NANS: variants seen among roughly 807,000 people sequenced by gnomAD.
The protein encoded by NANS is N-acetylneuraminate synthase.
NANS carries 29 observed loss-of-function variants against 33.3 expected under a neutral mutation model. That is an observed-to-expected ratio of 0.87 (90% confidence interval 0.65 to 1.19). The LOEUF (loss-of-function observed/expected upper bound fraction) is 1.19, where lower values mean the gene tolerates loss of function less well. NANS is among the 50% of genes most tolerant of loss of function. The probability of loss-of-function intolerance (pLI) is 0.00; values close to 1 mark genes in which losing one functional copy is unlikely to be tolerated. For synonymous variants in NANS, 163 were observed against 177.2 expected (o/e 0.92, Z 0.64); for missense variants, 394 against 461.1 (o/e 0.85, Z 1.33).
At chr9:98,063,668 A>C (rs1829051948) in intron 2 of NANS, among the ~76,000 whole-genome samples, 1 of 152,118 alleles carries the variant, frequency 6.6e-6, no homozygotes, top group African/African-American at 2.4e-5. Flanking sequence ...CAGCCTGCTG[A>C]GTAGCTGGGA....
At chr9:98,074,176 A>G (rs543871630) in intron 2 of NANS, among the ~76,000 whole-genome samples, 1 of 152,210 alleles carries the variant, frequency 6.6e-6, no homozygotes. Flanking sequence ...CTAAGAAGGC[A>G]TTAAGGCAGG....
At chr9:98,056,979 G>A (rs779670037) in intron 1 of NANS, 39 bp downstream of exon 1, 9 of 1,531,200 alleles carry the variant, frequency 5.9e-6, no homozygotes, top group Non-Finnish European at 7.9e-6. Context: ...TTCGGGCGCC[G>A]GGAGGGGCGG....
chr9:98,076,851 C>T (rs1216397954), intron 2 of NANS, 67 bp from the exon 3 acceptor site: 1 of 1,318,728 alleles, frequency 7.6e-7, no homozygotes, highest in African/African-American at 1.5e-5. Flanking sequence ...TATGTTATTC[C>T]TTGCCTGTCA....
chr9:98,081,251 G>A (rs559571787), intron 5 of NANS, 169 bp downstream of exon 5: 2 of 842,154 alleles, frequency 2.4e-6, no homozygotes, highest in East Asian at 2.7e-5. Flanking sequence ...AGTAATGCAT[G>A]TCACTCTGGC....
At chr9:98,078,440 A>C (rs1829692443) in intron 4 of NANS, 93 bp downstream of exon 4, 1 of 1,445,604 alleles carries the variant, frequency 6.9e-7, no homozygotes, top group Non-Finnish European at 9.4e-7. Context: ...AACATGGCAT[A>C]CTTTATAATT....
Position 98,073,271 on chromosome 9 carries a change from C to CTTTT in NANS, c.349-3619_349-3616dup, listed in dbSNP as rs10606237. Among the ~76,000 whole-genome samples, 401 of 57,842 alleles carry CTTTT rather than the reference C, an allele frequency of 6.9e-3. 46 individuals are homozygous for CTTTT. The highest frequency in any genetic ancestry group is 0.014 in the East Asian group (20 of 1,448). The allele number at this position is 57,842 out of a possible 152,430, so 37.9% of individuals were successfully genotyped here. A position where few individuals can be genotyped will look rare whatever the true frequency, so the allele number is the denominator to read the frequency against. ...GTTCTCCCCAGCTCATCACCATGGG[C>CTTTT]TTTTTTTTTTTTTTTTTTTTTTTTT... On this transcript the variant is annotated intron_variant, in intron 2 of 5. Coordinates refer to ENST00000210444, the MANE Select transcript of NANS (RefSeq NM_018946.4).
intron 4 of NANS, among the ~76,000 whole-genome samples, chr9:98,079,942 C>T (rs1346984533): frequency 6.6e-6 from 1 of 152,210 alleles, no homozygotes; most frequent in Non-Finnish European, 1.5e-5. Flanking sequence ...GGCCAGACAC[C>T]GTGGCTCATG....
chr9:98,076,626 C>T (rs1386822834), intron 2 of NANS: 7 of 336,040 alleles, frequency 2.1e-5, no homozygotes, highest in East Asian at 8.6e-5. Flanking sequence ...CTGCCCGCCT[C>T]GGCCTCCCAA....
At chr9:98,057,258 C>CGCGG (rs1828854463) in intron 1 of NANS, among the ~76,000 whole-genome samples, 2 of 152,226 alleles carry the variant, frequency 1.3e-5, no homozygotes, top group South Asian at 4.1e-4. Context: ...CCCTCCTGCC[C>CGCGG]GCGGGTAGAG....
chr9:98,082,188 C>T (rs1359966747), intron 5 of NANS: 4 of 152,250 alleles, frequency 2.6e-5, no homozygotes, highest in African/African-American at 9.6e-5. Context: ...CTGCCCCTTC[C>T]TCGGGGGCTC....
intron 3 of NANS, 76 bp downstream of exon 3, chr9:98,077,093 C>G (rs1013026018): frequency 9.4e-7 from 1 of 1,064,528 alleles, no homozygotes; most frequent in Non-Finnish European, 1.4e-6. Context: ...TGGTGGCCCA[C>G]TTTCAGCAGA....
At chr9:98,062,987 A>C (rs1291520760) in intron 2 of NANS, among the ~76,000 whole-genome samples, 1 of 151,840 alleles carries the variant, frequency 6.6e-6, no homozygotes, top group Non-Finnish European at 1.5e-5. Flanking sequence ...CCCAGGCTGG[A>C]GTACAGTGGC....
chr9:98,077,022 G>C lies in NANS; in HGVS notation c.448+5G>C, dbSNP rs746193805. The C allele has an allele frequency of 5.6e-6, 9 of 1,598,216 alleles. No individual in the cohort carries two copies. The highest frequency in any genetic ancestry group is 7.7e-6 in the Non-Finnish European group (9 of 1,170,638). On this transcript the variant is annotated splice_donor_5th_base_variant and intron_variant, in intron 3 of 5. Transcript: ENST00000210444. ...TGGAAAAGACAGCCAAAAAAGGTAA[G>C]TGTCTAATTTTTGACTTAAAATCGA...
Position 98,081,087 on chromosome 9 carries a change from G to A in NANS, c.870+5G>A. 1 of 1,614,104 alleles carries A rather than the reference G, an allele frequency of 6.2e-7. No individual in the cohort carries two copies. Among genetic ancestry groups the A allele is most frequent in the Non-Finnish European group, 8.5e-7 (1 of 1,180,008 alleles). ...GAGATGGCCTGCAATGAGAAGGTGT[G>A]TCCTGCCGGACTCTACTCGGTTCTG... is the stretch of plus-strand genomic sequence containing the variant. On this transcript the variant is annotated splice_donor_5th_base_variant and intron_variant, in intron 5 of 5. Transcript: ENST00000210444.
At chr9:98,074,093 A>T (rs1829473138) in intron 2 of NANS, among the ~76,000 whole-genome samples, 1 of 152,274 alleles carries the variant, frequency 6.6e-6, no homozygotes, top group South Asian at 2.1e-4. Context: ...GCCAGAATTA[A>T]TAAAGTTCTG....
chr9:98,065,531 G>T (rs1230479451), intron 2 of NANS, among the ~76,000 whole-genome samples: 2 of 134,526 alleles, frequency 1.5e-5, no homozygotes, highest in East Asian at 4.1e-4. Flanking sequence ...TAGAGACGGG[G>T]TTTCACCATG....
chr9:98,082,695 T>G, intron 5 of NANS, 151 bp from the exon 6 acceptor site: 108 of 635,798 alleles, frequency 1.7e-4, no homozygotes, highest in Non-Finnish European at 2.6e-4. Flanking sequence ...CTGCCATGTA[T>G]GAGATATTCT....
rs754144469 is a variant in NANS at position 98,060,798 on chromosome 9, G to A, written c.149G>A (p.Cys50Tyr). 6.2e-7 allele frequency: 1 copy of A among 1,614,200 alleles called. No homozygotes were observed. Among genetic ancestry groups the A allele is most frequent in the South Asian group, 1.1e-5 (1 of 91,082 alleles). The part of the protein sequence containing the change: ...IRMAKECGAD[C>Y]AKFQKSELEF... ...GTGTTGTAGGAGTGTGGGGCTGATT[G>A]TGCTAAGTTCCAGAAGAGTGAGCTA... Residue 50 changes from cysteine (C) to tyrosine (Y), a missense_variant, in exon 2 of 6, where the codon TGT (cysteine) becomes TAT (tyrosine). Coordinates refer to ENST00000210444, the MANE Select transcript of NANS (RefSeq NM_018946.4).
chr9:98,080,743 G>C (rs1412531427), intron 4 of NANS, 73 bp from the exon 5 acceptor site: 13 of 1,499,450 alleles, frequency 8.7e-6, no homozygotes, highest in Non-Finnish European at 2.7e-6. Context: ...GGCTCAACCA[G>C]ATACGCTTCA....
Sources: allele counts gnomAD v4.1 joint callset (sites outside exome capture counted in the v4.1 genomes callset), GRCh38; gene constraint gnomAD v4.1.1; transcripts MANE v1.5; gene names NCBI Gene and HGNC (gene_info 2026-07-23, HGNC 2026-07-21).